C17orf114: variants seen among roughly 807,000 people sequenced by gnomAD.
C17orf114 encodes the protein chromosome 17 open reading frame 114.
At chr17:4,802,144 G>C (rs1905528931) in intron 1 of C17orf114, 103 bp downstream of exon 1, 1 of 397,698 alleles carries the variant, frequency 2.5e-6, no homozygotes, top group Non-Finnish European at 4.4e-6. Flanking sequence ...CAGGGAGACA[G>C]ATGATCCTTT....
chr17:4,805,353 C>T (rs767944500), upstream of C17orf114, among the ~76,000 whole-genome samples: 3 of 151,204 alleles, frequency 2.0e-5, no homozygotes, highest in African/African-American at 7.3e-5. Flanking sequence ...ACCCGGGAGG[C>T]GGAGGTTGCA....
chr17:4,803,766 G>GGC (rs546725215), upstream of C17orf114, among the ~76,000 whole-genome samples: 90 of 151,206 alleles, frequency 6.0e-4, no homozygotes, highest in Non-Finnish European at 1.0e-3. Context: ...CTGTTGTCCA[G>GGC]GCTGGATTAC....
chr17:4,803,275 C>T (rs914945833), upstream of C17orf114, among the ~76,000 whole-genome samples: 3 of 151,680 alleles, frequency 2.0e-5, no homozygotes, highest in African/African-American at 7.3e-5. Flanking sequence ...CCTGGTTTTA[C>T]AGATGTGAAA....
chr17:4,804,599 CTTTCT>C (rs921320351), upstream of C17orf114, among the ~76,000 whole-genome samples: 26 of 143,632 alleles, frequency 1.8e-4, no homozygotes, highest in Non-Finnish European at 3.3e-4. Flanking sequence ...AGAAATGTTT[CTTTCT>C]TTTTTTTTTT....
At chr17:4,803,058 A>C (rs912829376), upstream of C17orf114, among the ~76,000 whole-genome samples, 8 of 152,076 alleles carry the variant, frequency 5.3e-5, no homozygotes, top group Non-Finnish European at 1.0e-4. Context: ...CTGGGACTAC[A>C]GGCGTACACC....
upstream of C17orf114, among the ~76,000 whole-genome samples, chr17:4,806,161 G>T (rs1427294969): frequency 6.6e-6 from 1 of 152,122 alleles, no homozygotes; most frequent in Non-Finnish European, 1.5e-5. Context: ...AATGGCCAAC[G>T]CTAAAGACTG....
chr17:4,802,447 G>C (rs539450270), upstream of C17orf114: 9 of 395,818 alleles, frequency 2.3e-5, no homozygotes, highest in Non-Finnish European at 3.6e-5. Flanking sequence ...GATTACAGGC[G>C]CCAGGGATGG....
At chr17:4,803,416 A>ATTTTT (rs34116712), upstream of C17orf114, among the ~76,000 whole-genome samples, 7 of 75,450 alleles carry the variant, frequency 9.3e-5, no homozygotes, top group Non-Finnish European at 1.6e-4. Flanking sequence ...GTTTTTTTTA[A>ATTTTT]TTTTTTTTTT....
At chr17:4,804,707 T>A (rs756760760), upstream of C17orf114, among the ~76,000 whole-genome samples, 1 of 151,406 alleles carries the variant, frequency 6.6e-6, no homozygotes, top group Non-Finnish European at 1.5e-5. Context: ...CAAATGATTC[T>A]CCTGCCTCAG....
upstream of C17orf114, among the ~76,000 whole-genome samples, chr17:4,803,895 T>A (rs1211770965): frequency 1.3e-5 from 2 of 151,470 alleles, no homozygotes; most frequent in African/African-American, 4.9e-5. Flanking sequence ...CCACATTTTG[T>A]ATTTTTAGTA....
chr17:4,801,560 C>CA, intron 1 of C17orf114, 105 bp from the exon 2 acceptor site: 1 of 397,226 alleles, frequency 2.5e-6, no homozygotes, highest in Non-Finnish European at 4.4e-6. Flanking sequence ...CACCTGGGGC[C>CA]TGGGGGCTGG....
chr17:4,802,949 A>G (rs1905547849), upstream of C17orf114, among the ~76,000 whole-genome samples: 1 of 151,602 alleles, frequency 6.6e-6, no homozygotes, highest in Non-Finnish European at 1.5e-5. Context: ...ACAGAGTCTC[A>G]CTCTCTCGCC....
At chr17:4,806,931 C>T (rs1054109347), upstream of C17orf114, 3 of 149,746 alleles carry the variant, frequency 2.0e-5, no homozygotes, top group Non-Finnish European at 4.5e-5. Flanking sequence ...ACTTACCCGC[C>T]GCACCGAGAG....
chr17:4,801,850 C>T (rs1394074565), intron 1 of C17orf114, among the ~76,000 whole-genome samples: 1 of 151,964 alleles, frequency 6.6e-6, no homozygotes, highest in African/African-American at 2.4e-5. Context: ...CCTGCCTCAG[C>T]CTCCCGAGTA....
chr17:4,801,417 T>C (rs1283615013), exon 2 of C17orf114: 8 of 398,686 alleles, frequency 2.0e-5, no homozygotes, highest in Admixed American at 4.4e-5. Flanking sequence ...GTGGGGGCTA[T>C]AGCTGGACTG....
At chr17:4,801,595 G>C in intron 1 of C17orf114, 140 bp from the exon 2 acceptor site, 1 of 397,670 alleles carries the variant, frequency 2.5e-6, no homozygotes. Context: ...GGCAGCAGCA[G>C]GGGGAGGGAG....
At chr17:4,805,822 G>A (rs531229592), upstream of C17orf114, among the ~76,000 whole-genome samples, 2 of 151,738 alleles carry the variant, frequency 1.3e-5, no homozygotes, top group East Asian at 2.0e-4. Flanking sequence ...GCGTGGTGGC[G>A]GACGCCTGTA....
chr17:4,802,450 A>G (rs916625534), upstream of C17orf114: 5 of 395,334 alleles, frequency 1.3e-5, no homozygotes, highest in African/African-American at 1.0e-4. Flanking sequence ...TACAGGCGCC[A>G]GGGATGGAAA....
At chr17:4,803,166 G>A (rs577861690), upstream of C17orf114, among the ~76,000 whole-genome samples, 8 of 151,870 alleles carry the variant, frequency 5.3e-5, no homozygotes, top group African/African-American at 7.3e-5. Context: ...CAATCCACCC[G>A]CCTTGTCCTC....
Sources: allele counts gnomAD v4.1 joint callset (sites outside exome capture counted in the v4.1 genomes callset), GRCh38; gene constraint gnomAD v4.1.1; transcripts MANE v1.5; gene names NCBI Gene and HGNC (gene_info 2026-07-23, HGNC 2026-07-21).